Variants in GPC3 observed in about 807,000 individuals in gnomAD.
GPC3 encodes glypican 3.
Under a neutral mutation model 34.4 loss-of-function variants are expected in GPC3, and 3 were observed. The observed-to-expected ratio is 0.09, with a 90% CI of 0.04 to 0.23. GPC3 has a LOEUF of 0.23. GPC3 is among the 10% of genes least tolerant of loss of function. The pLI is 1.00. For synonymous variants in GPC3, 177 were observed against 174.0 expected, an observed-to-expected ratio of 1.02 and a Z score of -0.13; for missense variants, 351 against 445.6, an observed-to-expected ratio of 0.79 and a Z score of 1.91.
At chrX:133,750,353 G>T (rs902758071) in intron 3 of GPC3, among the ~76,000 whole-genome samples, 11 of 112,243 alleles carry the variant, frequency 9.8e-5, no homozygotes, top group African/African-American at 2.6e-4. Context: ...GGTCTAAGCG[G>T]GGACAGACTG....
intron 2 of GPC3, among the ~76,000 whole-genome samples, chrX:133,939,510 C>A (rs1429979491): frequency 9.0e-6 from 1 of 111,610 alleles, no homozygotes; most frequent in Non-Finnish European, 1.9e-5. Flanking sequence ...ACAGTGGCTA[C>A]ATTTTAACTA....
At chrX:133,715,031 T>G (rs2071301442) in intron 3 of GPC3, among the ~76,000 whole-genome samples, 1 of 111,697 alleles carries the variant, frequency 9.0e-6, no homozygotes, top group Admixed American at 9.5e-5. Context: ...GTGAGGGTGT[T>G]GCCAAAGGAG....
At chrX:133,772,488 G>A (rs923052454) in intron 2 of GPC3, among the ~76,000 whole-genome samples, 9 of 111,177 alleles carry the variant, frequency 8.1e-5, no homozygotes, top group Admixed American at 4.8e-4. Flanking sequence ...CAGCACATTT[G>A]GGTTGATGGT....
rs1471119375 is a variant in GPC3 at position 133,633,546 on chromosome X, T to C, written c.1413+28184A>G. Among the ~76,000 whole-genome samples, 3 of 112,099 alleles carry C rather than the reference T, an allele frequency of 2.7e-5. No homozygotes were observed. In the South Asian group the frequency reaches 1.1e-3, roughly 41 times the overall value. Reference sequence around the variant, plus strand: ...GGACCTTAAGTGTGATTGCCTGCTATAGTGGAAAGAGTAGAGGATTTGGAG... The same window carrying C: ...GGACCTTAAGTGTGATTGCCTGCTACAGTGGAAAGAGTAGAGGATTTGGAG... On this transcript the variant is annotated intron_variant, in intron 6 of 7. Transcript: ENST00000370818.
At chrX:133,630,143 G>GT (rs939240701) in intron 6 of GPC3, among the ~76,000 whole-genome samples, 6 of 112,162 alleles carry the variant, frequency 5.3e-5, no homozygotes, top group Non-Finnish European at 9.4e-5. Context: ...TGTTTTGTGT[G>GT]TGTGTGTTTG....
chrX:133,549,930 TTC>T (rs1189675430), intron 7 of GPC3, among the ~76,000 whole-genome samples: 1 of 105,010 alleles, frequency 9.5e-6, no homozygotes, highest in African/African-American at 3.5e-5. Flanking sequence ...CCCTTTCTCT[TTC>T]TCTTTCTCTC....
intron 6 of GPC3, among the ~76,000 whole-genome samples, chrX:133,620,652 T>C (rs1265712173): frequency 1.8e-5 from 2 of 111,099 alleles, no homozygotes; most frequent in African/African-American, 3.3e-5. Flanking sequence ...TCCCACCCTT[T>C]TGGAATTACT....
At chrX:133,980,586 C>A (rs1482513538) in intron 1 of GPC3, among the ~76,000 whole-genome samples, 1 of 112,094 alleles carries the variant, frequency 8.9e-6, no homozygotes, top group Non-Finnish European at 1.9e-5. Flanking sequence ...AAAAAATGTA[C>A]AAATTCAGCA....
At chrX:133,879,859 A>AGCTATT (rs1365149005) in intron 2 of GPC3, among the ~76,000 whole-genome samples, 1 of 111,828 alleles carries the variant, frequency 8.9e-6, no homozygotes, top group Non-Finnish European at 1.9e-5. Flanking sequence ...TTTTTGAATC[A>AGCTATT]GCTATTGCTA....
chrX:133,787,165 T>C (rs1174386750), intron 2 of GPC3, among the ~76,000 whole-genome samples: 2 of 112,467 alleles, frequency 1.8e-5, no homozygotes, highest in African/African-American at 6.5e-5. Context: ...CAGTCCATGA[T>C]ACTATTCAAG....
intron 3 of GPC3, among the ~76,000 whole-genome samples, chrX:133,741,842 T>C (rs1166988057): frequency 1.8e-5 from 2 of 112,990 alleles, no homozygotes; most frequent in South Asian, 3.6e-4. Context: ...AAGAAGTTGC[T>C]TTTCGCAGGC....
At chrX:133,651,468 T>C (rs781122863) in intron 6 of GPC3, among the ~76,000 whole-genome samples, 1 of 111,781 alleles carries the variant, frequency 8.9e-6, no homozygotes, top group South Asian at 3.8e-4. Context: ...CTAACATGTG[T>C]GCTAAGTTGG....
chrX:133,688,979 C>G (rs1393617941), intron 5 of GPC3, among the ~76,000 whole-genome samples: 2 of 111,257 alleles, frequency 1.8e-5, no homozygotes, highest in East Asian at 5.6e-4. Flanking sequence ...CTAGTTTGAT[C>G]ATTGCATTAG....
intron 1 of GPC3, among the ~76,000 whole-genome samples, chrX:133,964,440 A>T (rs748989018): frequency 1.1e-3 from 127 of 111,743 alleles, no homozygotes; most frequent in African/African-American, 3.7e-3. Context: ...CCCGTGGCAA[A>T]AATGCTTAGA....
chrX:133,751,653 ATCCACCC>A (rs2071668470), intron 3 of GPC3, among the ~76,000 whole-genome samples: 1 of 111,757 alleles, frequency 8.9e-6, no homozygotes, highest in African/African-American at 3.3e-5. Flanking sequence ...AAATAGCCTA[ATCCACCC>A]TCCACATTTT....
intron 2 of GPC3, among the ~76,000 whole-genome samples, chrX:133,916,102 A>C (rs1185677830): frequency 9.7e-6 from 1 of 102,665 alleles, no homozygotes; most frequent in Non-Finnish European, 2.0e-5. Flanking sequence ...CCGAGATCAC[A>C]CCACTGCACC....
intron 2 of GPC3, among the ~76,000 whole-genome samples, chrX:133,790,688 A>C (rs1391454051): frequency 9.0e-6 from 1 of 111,341 alleles, no homozygotes; most frequent in Non-Finnish European, 1.9e-5. Flanking sequence ...GCCTGTCCAC[A>C]ATTAGGCTGT....
chrX:133,581,744 C>T lies in GPC3; in HGVS notation c.1573+14696G>A, dbSNP rs146301284. Among the ~76,000 whole-genome samples, 1,063 of 112,006 alleles carry T rather than the reference C, an allele frequency of 9.5e-3. 13 individuals are homozygous for T. Among genetic ancestry groups the T allele is most frequent in the African/African-American group, 0.032 (988 of 30,876 alleles). On this transcript the variant is annotated intron_variant, in intron 7 of 7. Coordinates refer to ENST00000370818, the MANE Select transcript of GPC3 (RefSeq NM_004484.4). ...TATATTGGAATACACTAAGAGGTGA[C>T]ACAAAAGTGAAATAACACTATTATT...
chrX:133,556,509 C>T (rs1222536915), intron 7 of GPC3, among the ~76,000 whole-genome samples: 1 of 110,103 alleles, frequency 9.1e-6, no homozygotes, highest in Non-Finnish European at 1.9e-5. Flanking sequence ...GGTTGTTTCT[C>T]ATTTCTCCCT....
Sources: gnomAD v4.1 joint callset for allele counts (sites outside exome capture counted in the v4.1 genomes callset) on GRCh38, gnomAD v4.1.1 for gene constraint, MANE v1.5 for transcripts, NCBI Gene and HGNC (gene_info 2026-07-23, HGNC 2026-07-21) for gene names.